The following MTAP variants were observed in gnomAD, a reference collection of about 807,000 sequenced individuals.
MTAP encodes methylthioadenosine phosphorylase.
In MTAP, 33 loss-of-function variants were observed where a neutral mutation model predicts 33.6. The ratio of observed to expected loss-of-function variants is 0.98; its 90% CI spans 0.74 to 1.31. The LOEUF is 1.31. Ranked by LOEUF, MTAP falls within the 40% of genes most tolerant of loss-of-function variation. MTAP has a pLI of 0.00. For missense variants in MTAP, 367 were observed against 360.0 expected (o/e 1.02, Z -0.16); for synonymous variants, 148 against 125.7 (o/e 1.18, Z -1.19).
chr9:21,860,392 A>G (rs1255367314), intron 7 of MTAP: 2 of 152,248 alleles, frequency 1.3e-5, no homozygotes, highest in Non-Finnish European at 1.5e-5. Flanking sequence ...AGAATCCAGC[A>G]CACCACTGTA....
chr9:21,908,930 T>C (rs1274488768), intron 1 of MTAP, among the ~76,000 whole-genome samples: 1 of 152,026 alleles, frequency 6.6e-6, no homozygotes, highest in African/African-American at 2.4e-5. Flanking sequence ...ATTTATAGTA[T>C]AATTATTATA....
At chr9:21,878,229 A>T (rs1211451304) in intron 1 of MTAP, among the ~76,000 whole-genome samples, 2 of 151,480 alleles carry the variant, frequency 1.3e-5, no homozygotes. Flanking sequence ...GATTGTGTTT[A>T]TTTGGATATT....
In MTAP at chr9:21,861,658, A is replaced by C. The variant is rs1286745685; in HGVS notation, c.814-318A>C. On this transcript the variant is annotated intron_variant, in intron 7 of 7. Coordinates refer to ENST00000644715, the MANE Select transcript of MTAP (RefSeq NM_002451.4). ...AATGATTTCTTACAGTGGGGTAAGG[A>C]TAAGGGATAGAGGTTGCATAAACAA... is the stretch of plus-strand genomic sequence containing the variant. 3.7e-5 allele frequency: 12 copies of C among 326,352 alleles called. No homozygotes were observed. The East Asian group carries it at 7.7e-4, about 21-fold the overall frequency. The allele number at this position is 326,352 out of a possible 1,614,324, so 20.2% of individuals were successfully genotyped here.
At chr9:21,907,864 A>G (rs1163200617) in intron 1 of MTAP, among the ~76,000 whole-genome samples, 1 of 152,188 alleles carries the variant, frequency 6.6e-6, no homozygotes, top group Admixed American at 6.5e-5. Flanking sequence ...AATTGCTAAC[A>G]TGCAAGTCTC....
In MTAP at chr9:21,802,648, C is replaced by T. The variant is rs1824076994; in HGVS notation, c.-101C>T. 2 of 1,368,520 alleles carry T rather than the reference C, an allele frequency of 1.5e-6. No homozygotes were observed. Among genetic ancestry groups the T allele is most frequent in the Admixed American group, 3.7e-5 (2 of 54,638 alleles). 84.8% of individuals were successfully genotyped at this position (1,368,520 alleles called of 1,614,324 possible). A position where few individuals can be genotyped will look rare whatever the true frequency, so the allele number is the denominator to read the frequency against. ...GCCCGCCCCTGGTCTCCGCACTGCT[C>T]ACTCCCGCGCAGTGAGGTTGGCACA... On this transcript the variant is annotated 5_prime_UTR_variant, in exon 1 of 8. Transcript: ENST00000644715.
intron 6 of MTAP, among the ~76,000 whole-genome samples, chr9:21,858,705 A>T (rs1166519096): frequency 1.3e-5 from 2 of 152,232 alleles, no homozygotes; most frequent in Non-Finnish European, 2.9e-5. Context: ...TGGTGAGGAC[A>T]CAAATCCAAA....
At chr9:21,904,429 TC>T (rs1818442353) in intron 1 of MTAP, among the ~76,000 whole-genome samples, 1 of 152,042 alleles carries the variant, frequency 6.6e-6, no homozygotes, top group Non-Finnish European at 1.5e-5. Context: ...CTTCCCCACT[TC>T]CGTATCATTT....
At chr9:21,884,485 T>C (rs1034971343) in intron 1 of MTAP, among the ~76,000 whole-genome samples, 3 of 152,198 alleles carry the variant, frequency 2.0e-5, no homozygotes, top group Admixed American at 2.0e-4. Flanking sequence ...TCTTAGTCAA[T>C]TCAAGCTATT....
At chr9:21,872,642 A>G (rs1346339733) in intron 1 of MTAP, among the ~76,000 whole-genome samples, 1 of 152,206 alleles carries the variant, frequency 6.6e-6, no homozygotes, top group African/African-American at 2.4e-5. Flanking sequence ...GTATCTTCCA[A>G]TAGTCAAGCT....
At chr9:21,852,742 C>T (rs1423963829) in intron 5 of MTAP, among the ~76,000 whole-genome samples, 1 of 151,552 alleles carries the variant, frequency 6.6e-6, no homozygotes, top group Non-Finnish European at 1.5e-5. Context: ...AATGGTTTCC[C>T]TTGGGAAGGG....
intron 5 of MTAP, among the ~76,000 whole-genome samples, chr9:21,853,305 G>A (rs904309108): frequency 6.6e-6 from 1 of 152,152 alleles, no homozygotes; most frequent in Non-Finnish European, 1.5e-5. Context: ...GGGGGAAAAG[G>A]GGGTGGGGTA....
At chr9:21,931,226 C>A, downstream of MTAP, 1 of 675,924 alleles carries the variant, frequency 1.5e-6, no homozygotes. Flanking sequence ...ACAGAACAAT[C>A]ACCATCACAC....
chr9:21,892,463 G>A (rs1818215351), intron 1 of MTAP: 1 of 152,026 alleles, frequency 6.6e-6, no homozygotes, highest in South Asian at 2.1e-4. Flanking sequence ...AGAAGAGTAG[G>A]GGTTGCTATT....
At chr9:21,902,062 G>T (rs983667486) in intron 1 of MTAP, among the ~76,000 whole-genome samples, 1 of 152,190 alleles carries the variant, frequency 6.6e-6, no homozygotes, top group Non-Finnish European at 1.5e-5. Context: ...CAAGGAACAG[G>T]TGCCATCTCC....
intron 6 of MTAP, 156 bp from the exon 7 acceptor site, chr9:21,859,147 C>A (rs1204674434): frequency 1.9e-6 from 2 of 1,076,948 alleles, no homozygotes; most frequent in East Asian, 5.3e-5. Flanking sequence ...AAATGCCCAA[C>A]CTCCAAATAC....
At chr9:21,898,146 T>C (rs1818328247) in intron 1 of MTAP, among the ~76,000 whole-genome samples, 2 of 152,332 alleles carry the variant, frequency 1.3e-5, no homozygotes, top group South Asian at 4.1e-4. Context: ...ATTCCCTATT[T>C]AATAAATGAT....
chr9:21,811,063 T>C (rs375028042), intron 1 of MTAP, among the ~76,000 whole-genome samples: 6 of 152,224 alleles, frequency 3.9e-5, no homozygotes, highest in African/African-American at 1.4e-4. Flanking sequence ...ACTGCAGTGC[T>C]CAGATCGGGC....
chr9:21,818,302 C>G (rs1824535732), intron 4 of MTAP, 100 bp downstream of exon 4: 4 of 671,504 alleles, frequency 6.0e-6, no homozygotes, highest in Non-Finnish European at 9.7e-6. Context: ...GAGGGCAGTG[C>G]CACAGACTCG....
intron 1 of MTAP, among the ~76,000 whole-genome samples, chr9:21,907,238 C>G (rs1818490812): frequency 6.6e-6 from 1 of 152,166 alleles, no homozygotes; most frequent in Non-Finnish European, 1.5e-5. Context: ...ACATAATGCT[C>G]TTAGTGATTA....
Sources: allele counts gnomAD v4.1 joint callset (sites outside exome capture counted in the v4.1 genomes callset), GRCh38; gene constraint gnomAD v4.1.1; transcripts MANE v1.5; gene names NCBI Gene and HGNC (gene_info 2026-07-23, HGNC 2026-07-21).